Variants in ZNF653 observed in about 807,000 individuals in gnomAD.
ZNF653 encodes the protein 67 kDa zinc finger protein.
Under a neutral mutation model 59.9 loss-of-function variants are expected in ZNF653, and 37 were observed. The ratio of observed to expected loss-of-function variants is 0.62; its 90% confidence interval spans 0.48 to 0.81. The LOEUF is 0.81. Among genes scored for constraint, ZNF653 ranks in the 40% least tolerant of loss-of-function variants. ZNF653 has a pLI of 0.00. For synonymous variants in ZNF653, 435 were observed against 371.8 expected (o/e 1.17, Z -1.96); for missense variants, 808 against 881.1 (o/e 0.92, Z 1.05).
rs555094127 is a variant in ZNF653 at position 11,505,640 on chromosome 19, G to A, written c.147C>T (p.Leu49=). The A allele has an allele frequency of 6.7e-7, 1 of 1,498,654 alleles. No homozygotes were observed. The highest frequency in any genetic ancestry group is 2.2e-5 in the Admixed American group (1 of 46,028). 92.8% of individuals were successfully genotyped at this position (1,498,654 alleles called of 1,614,324 possible). Residue 49 remains leucine (L), a synonymous_variant, in exon 1 of 9, where the codon CTC becomes CTT. Coordinates refer to ENST00000293771, the MANE Select transcript of ZNF653 (RefSeq NM_138783.4). ...LTESDRARRR[L]ESRKKYDVRR... ...GCACGTCGTACTTCTTCCGGGACTC[G>A]AGCCGTCGCCGGGCCCGGTCCGACT... is the stretch of plus-strand genomic sequence containing the variant.
At position 11,483,497 on chromosome 19, in the gene ZNF653, G is replaced by C. The variant is rs1044124437; in HGVS notation, c.*185C>G. The C allele has an allele frequency of 7.2e-7, 1 of 1,397,698 alleles. No homozygotes were observed. The highest frequency in any genetic ancestry group is 1.5e-5 in the African/African-American group (1 of 66,808). The allele number at this position is 1,397,698 out of a possible 1,614,324, so 86.6% of individuals were successfully genotyped here. A position where few individuals can be genotyped will look rare whatever the true frequency, so the allele number is the denominator to read the frequency against. ...TCCAGCAATGCAGCCCCAGGCACCAGCTCCGAGAAGGATGCGGTGGGGCGG... is the reference window on the plus strand; with the variant it reads ...TCCAGCAATGCAGCCCCAGGCACCACCTCCGAGAAGGATGCGGTGGGGCGG... On this transcript the variant is annotated 3_prime_UTR_variant, in exon 9 of 9. Coordinates refer to ENST00000293771, the MANE Select transcript of ZNF653 (RefSeq NM_138783.4).
chr19:11,485,651 C>T lies in ZNF653; in HGVS notation c.1570+5G>A. On this transcript the variant is annotated splice_donor_5th_base_variant and intron_variant, in intron 7 of 8. Coordinates refer to ENST00000293771, the MANE Select transcript of ZNF653 (RefSeq NM_138783.4). ...CTCATGCTGCCAGCTGGCCCAGGGC[C>T]TGACCTGAATGGATGATCATGTGCC... 6.2e-7 allele frequency: 1 copy of T among 1,612,992 alleles called. No individual in the cohort carries two copies. Among genetic ancestry groups the T allele is most frequent in the African/African-American group, 1.3e-5 (1 of 75,014 alleles).
At chr19:11,491,043 C>T (rs991510184) in intron 3 of ZNF653, among the ~76,000 whole-genome samples, 1 of 152,230 alleles carries the variant, frequency 6.6e-6, no homozygotes, top group African/African-American at 2.4e-5. Context: ...GCAGCCTGAA[C>T]GCTTCTCCCA....
At chr19:11,490,435 G>A (rs1277170220) in intron 3 of ZNF653, among the ~76,000 whole-genome samples, 1 of 152,188 alleles carries the variant, frequency 6.6e-6, no homozygotes, top group Non-Finnish European at 1.5e-5. Context: ...TGTGTAAGCT[G>A]TAGTGAAGTG....
In ZNF653 at chr19:11,489,732, G is replaced by T. The variant is rs183103895; in HGVS notation, c.560-1829C>A. On this transcript the variant is annotated intron_variant, in intron 3 of 8. Coordinates refer to ENST00000293771, the MANE Select transcript of ZNF653 (RefSeq NM_138783.4). ...TTCTCAATCCCCACTGTCCCTAACT[G>T]TTCCAAGATGACTGACCCAGCTGAC... Among the ~76,000 whole-genome samples the T allele has an allele frequency of 1.4e-3, 216 of 152,254 alleles. 1 individual carries two copies. Among genetic ancestry groups the T allele is most frequent in the Non-Finnish European group, 2.6e-3 (180 of 68,018 alleles).
Position 11,495,520 on chromosome 19 carries a change from A to AG in ZNF653, c.559+429dup, listed in dbSNP as rs57939030. ...AACTGGGAGCCAGAGAAAATCGAAA[A>AG]GGAGGTAGCGGCCAGCTTAGCCAGG... On this transcript the variant is annotated intron_variant, in intron 3 of 8. Coordinates refer to ENST00000293771, the MANE Select transcript of ZNF653 (RefSeq NM_138783.4). This position sits in a 1 kb window ranked among gnomAD's most constrained non-coding sequence, Gnocchi z 4.9. 7,510 of 185,508 alleles carry AG rather than the reference A, an allele frequency of 0.04. 609 individuals carry two copies. The highest frequency in any genetic ancestry group is 0.17 in the African/African-American group (7,098 of 42,220). The allele number at this position is 185,508 out of a possible 1,614,324, so 11.5% of individuals were successfully genotyped here. A position where few individuals can be genotyped will look rare whatever the true frequency, so the allele number is the denominator to read the frequency against.
At chr19:11,501,433 C>T (rs1175316460) in intron 1 of ZNF653, among the ~76,000 whole-genome samples, 2 of 151,754 alleles carry the variant, frequency 1.3e-5, no homozygotes, top group Non-Finnish European at 2.9e-5. Flanking sequence ...TCTGCTTCAG[C>T]CTCCCAAAGT....
intron 7 of ZNF653, among the ~76,000 whole-genome samples, 189 bp downstream of exon 7, chr19:11,485,467 T>C (rs914959311): frequency 2.6e-5 from 4 of 152,062 alleles, no homozygotes; most frequent in Non-Finnish European, 5.9e-5. Context: ...CTGTGATTGA[T>C]TGGTAATAGT....
chr19:11,499,997 G>A (rs1182231167), intron 1 of ZNF653, among the ~76,000 whole-genome samples: 2 of 152,128 alleles, frequency 1.3e-5, no homozygotes, highest in Admixed American at 1.3e-4. Flanking sequence ...TAAGCAAATG[G>A]TACAATGATC....
At chr19:11,490,716 A>G (rs1297438353) in intron 3 of ZNF653, among the ~76,000 whole-genome samples, 1 of 152,032 alleles carries the variant, frequency 6.6e-6, no homozygotes, top group Non-Finnish European at 1.5e-5. Flanking sequence ...TATTACTACA[A>G]CCATCCATGG....
chr19:11,501,263 C>T (rs1032342615), intron 1 of ZNF653, among the ~76,000 whole-genome samples: 1 of 151,368 alleles, frequency 6.6e-6, no homozygotes, highest in Non-Finnish European at 1.5e-5. Context: ...ACTGAAGCTT[C>T]GACCTCCAGG....
chr19:11,502,839 G>A (rs1722360059), intron 1 of ZNF653, among the ~76,000 whole-genome samples: 1 of 152,194 alleles, frequency 6.6e-6, no homozygotes, highest in East Asian at 1.9e-4. Context: ...TTCGAGACCA[G>A]CCTAGCCAAC....
chr19:11,505,744 C>T lies in ZNF653; in HGVS notation c.43G>A (p.Glu15Lys), dbSNP rs1331407136. 4 of 1,444,796 alleles carry T rather than the reference C, an allele frequency of 2.8e-6. No homozygotes were observed. In the Admixed American group the frequency reaches 1.2e-4, roughly 42 times the overall value. The allele number at this position is 1,444,796 out of a possible 1,614,324, so 89.5% of individuals were successfully genotyped here. ...GCTGCCTCCCCGCCCGCGCCCGCCT[C>T]AGCCTCCGCCTCCGCCTCGGGCTCT... ...ALEPEAEAEA[E>K]AGAGGEAAAE... Residue 15 changes from glutamate (E) to lysine (K), a missense_variant, in exon 1 of 9, where the codon GAG (glutamate) becomes AAG (lysine). Physicochemically the swap from Glu to Lys is moderately conservative, Grantham distance 56. Transcript: ENST00000293771.
At position 11,490,006 on chromosome 19, in the gene ZNF653, CG is replaced by C. The variant is rs1246635685; in HGVS notation, c.560-2104del. ...TCAATCCAATCTGACATTATCTTCC[CG>C]GAGTGGGCGTCAAATCCTCCAAGTT... On this transcript the variant is annotated intron_variant, in intron 3 of 8. Transcript: ENST00000293771. 5.3e-5 allele frequency among the ~76,000 whole-genome samples: 8 copies of C among 152,206 alleles called. No homozygotes were observed. In the East Asian group the frequency reaches 1.5e-3, roughly 29 times the overall value.
chr19:11,505,797 C>G lies in ZNF653; in HGVS notation c.-11G>C. On this transcript the variant is annotated 5_prime_UTR_variant, in exon 1 of 9. Transcript: ENST00000293771. ...CGCCCGCTCCGCCATCCCCCCCACC[C>G]TGGTTACCAGCCTCCCCCGTTGTTA... 3 of 1,393,824 alleles carry G rather than the reference C, an allele frequency of 2.2e-6. No homozygotes were observed. Among genetic ancestry groups the G allele is most frequent in the East Asian group, 2.9e-5 (1 of 33,970 alleles). 86.3% of individuals were successfully genotyped at this position (1,393,824 alleles called of 1,614,324 possible). A position where few individuals can be genotyped will look rare whatever the true frequency, so the allele number is the denominator to read the frequency against.
At chr19:11,486,005 AGTG>A (rs1971461886) in intron 6 of ZNF653, among the ~76,000 whole-genome samples, 1 of 151,980 alleles carries the variant, frequency 6.6e-6, no homozygotes, top group Admixed American at 6.6e-5. Context: ...GCTGGAGTGC[AGTG>A]GTGTTCTCTC....
intron 1 of ZNF653, chr19:11,500,750 AGCTCT>A (rs1422441239): frequency 2.0e-5 from 3 of 152,216 alleles, no homozygotes; most frequent in Non-Finnish European, 4.4e-5. Context: ...TTCAAGACTC[AGCTCT>A]GCTCTCAACT....
chr19:11,485,081 A>C (rs1157419741), intron 7 of ZNF653, among the ~76,000 whole-genome samples: 5 of 151,146 alleles, frequency 3.3e-5, no homozygotes, highest in African/African-American at 4.9e-5. Context: ...ACCAAAAAAA[A>C]CAAAAAAAAC....
Position 11,495,151 on chromosome 19 carries a change from T to C in ZNF653, c.559+799A>G, listed in dbSNP as rs1971572428. Among the ~76,000 whole-genome samples, 1 of 152,078 alleles carries C rather than the reference T, an allele frequency of 6.6e-6. No homozygotes were observed. Among genetic ancestry groups the C allele is most frequent in the Admixed American group, 6.6e-5 (1 of 15,266 alleles). ...CCACCCTCAGCCCTGACAGGACGCC[T>C]GGCAGTGTGCCCTACGCTCCTTCTC... On this transcript the variant is annotated intron_variant, in intron 3 of 8. Transcript: ENST00000293771. This position sits in a 1 kb window ranked among gnomAD's most constrained non-coding sequence, Gnocchi z 4.9.
Sources: allele counts gnomAD v4.1 joint callset (sites outside exome capture counted in the v4.1 genomes callset), GRCh38; gene constraint gnomAD v4.1.1; non-coding constraint Gnocchi (gnomAD v3.1); transcripts MANE v1.5; gene names NCBI Gene and HGNC (gene_info 2026-07-23, HGNC 2026-07-21).